Variants in XKR9 observed in about 807,000 individuals in gnomAD.
The protein encoded by XKR9 is XK-related protein 9.
In XKR9, 32 loss-of-function variants were observed where a neutral mutation model predicts 32.0. The observed-to-expected ratio is 1.00, with a 90% CI of 0.76 to 1.34. The LOEUF is 1.34. Among genes scored for constraint, XKR9 ranks in the 40% most tolerant of loss-of-function variants. XKR9 has a pLI of 0.00. For missense variants in XKR9, 546 were observed against 429.7 expected (o/e 1.27, Z -2.39); for synonymous variants, 168 against 143.4 (o/e 1.17, Z -1.22).
At chr8:70,954,580 CATT>C in the XKR9 span, among the ~76,000 whole-genome samples, 1 of 152,208 alleles carries the variant, frequency 6.6e-6, no homozygotes, top group Non-Finnish European at 1.5e-5. Context: ...AAAGTGGTCT[CATT>C]ATCCAAGGAT....
the XKR9 span, among the ~76,000 whole-genome samples, chr8:70,877,772 G>A: frequency 7.7e-3 from 1,169 of 152,266 alleles, 18 homozygotes; most frequent in African/African-American, 0.026. Flanking sequence ...CCCCAACATA[G>A]CAAGGCAGGC....
the XKR9 span, among the ~76,000 whole-genome samples, chr8:70,957,159 G>T: frequency 6.6e-6 from 1 of 152,126 alleles, no homozygotes; most frequent in South Asian, 2.1e-4. Context: ...TCTAGAATCA[G>T]ATTTATTTTT....
the XKR9 span, among the ~76,000 whole-genome samples, chr8:70,902,015 T>C: frequency 6.6e-6 from 1 of 152,238 alleles, no homozygotes; most frequent in South Asian, 2.1e-4. Context: ...TCCATTGGTC[T>C]ATATATCTGT....
the XKR9 span, among the ~76,000 whole-genome samples, chr8:70,860,741 G>A: frequency 6.6e-6 from 1 of 151,454 alleles, no homozygotes; most frequent in African/African-American, 2.4e-5. Flanking sequence ...CAATTTCTGG[G>A]GATAAGATGT....
chr8:70,842,205 T>C, the XKR9 span, among the ~76,000 whole-genome samples: 1 of 152,226 alleles, frequency 6.6e-6, no homozygotes, highest in Non-Finnish European at 1.5e-5. Flanking sequence ...TATGTCATCA[T>C]CATTATTCTG....
At chr8:71,064,436 T>C in the XKR9 span, among the ~76,000 whole-genome samples, 1 of 152,336 alleles carries the variant, frequency 6.6e-6, no homozygotes, top group Non-Finnish European at 1.5e-5. Flanking sequence ...TAGAAATTTA[T>C]ATCATTGTCA....
chr8:71,047,979 A>G, the XKR9 span, among the ~76,000 whole-genome samples: 1 of 152,206 alleles, frequency 6.6e-6, no homozygotes, highest in Non-Finnish European at 1.5e-5. Flanking sequence ...ATTAAATCCA[A>G]GTTTTCAGTA....
chr8:70,926,504 A>G, the XKR9 span, among the ~76,000 whole-genome samples: 1 of 152,194 alleles, frequency 6.6e-6, no homozygotes, highest in African/African-American at 2.4e-5. Context: ...TACTTCTTTT[A>G]TAAAATATTT....
intron 3 of XKR9, among the ~76,000 whole-genome samples, chr8:70,688,715 C>CTTTTTT (rs11450447): frequency 6.9e-6 from 1 of 144,830 alleles, no homozygotes; most frequent in African/African-American, 2.6e-5. Flanking sequence ...TGTGCCTGTC[C>CTTTTTT]TTTTTTTTTT....
At chr8:70,858,821 T>C in the XKR9 span, among the ~76,000 whole-genome samples, 1 of 152,122 alleles carries the variant, frequency 6.6e-6, no homozygotes, top group Admixed American at 6.6e-5. Context: ...GGAATGAAAC[T>C]GGACCCCTAT....
the XKR9 span, among the ~76,000 whole-genome samples, chr8:70,892,914 C>A: frequency 1.3e-5 from 2 of 152,130 alleles, no homozygotes; most frequent in Non-Finnish European, 2.9e-5. Context: ...AATATCATGT[C>A]ATTAAATAGG....
chr8:70,838,699 T>C, the XKR9 span, among the ~76,000 whole-genome samples: 1 of 152,094 alleles, frequency 6.6e-6, no homozygotes, highest in South Asian at 2.1e-4. Flanking sequence ...TGATGTTCTC[T>C]CTCTGATACT....
intron 3 of XKR9, among the ~76,000 whole-genome samples, chr8:70,703,323 C>CA (rs1455340987): frequency 6.6e-6 from 1 of 151,752 alleles, no homozygotes; most frequent in Non-Finnish European, 1.5e-5. Context: ...GGTCTTAAGT[C>CA]TTTTGAGTGT....
At position 70,687,379 on chromosome 8, in the gene XKR9, T is replaced by C. The variant is rs1819333287; in HGVS notation, c.272+6049T>C. ...CTTTCTCTCTTTCCTTTCTTTCTCTTTCTTTCTCTTTCTCTTTCTCTCTCT... is the reference window on the plus strand; with the variant it reads ...CTTTCTCTCTTTCCTTTCTTTCTCTCTCTTTCTCTTTCTCTTTCTCTCTCT... On this transcript the variant is annotated intron_variant, in intron 3 of 4. Transcript: ENST00000408926. 1.6e-5 allele frequency among the ~76,000 whole-genome samples: 2 copies of C among 123,252 alleles called. 1 individual carries two copies. Among genetic ancestry groups the C allele is most frequent in the Admixed American group, 1.6e-4 (2 of 12,328 alleles). The allele number at this position is 123,252 out of a possible 152,430, so 80.9% of individuals were successfully genotyped here.
chr8:70,797,438 A>G, the XKR9 span, among the ~76,000 whole-genome samples: 1 of 152,100 alleles, frequency 6.6e-6, no homozygotes, highest in Non-Finnish European at 1.5e-5. Flanking sequence ...GAATCATCTA[A>G]TTTTTAAATT....
chr8:70,820,975 T>G, the XKR9 span, among the ~76,000 whole-genome samples: 1 of 152,088 alleles, frequency 6.6e-6, no homozygotes, highest in Non-Finnish European at 1.5e-5. Context: ...TTCCCAACAG[T>G]CCCCCAAAGT....
the XKR9 span, among the ~76,000 whole-genome samples, chr8:70,972,185 G>A: frequency 6.6e-6 from 1 of 152,034 alleles, no homozygotes; most frequent in East Asian, 1.9e-4. Context: ...CCTTGGTTAG[G>A]TATATTCCTA....
At chr8:71,054,415 G>A in the XKR9 span, among the ~76,000 whole-genome samples, 2 of 152,176 alleles carry the variant, frequency 1.3e-5, no homozygotes, top group African/African-American at 4.8e-5. Context: ...CCACCATGTA[G>A]CACTGCTGTT....
At chr8:70,811,172 A>C in the XKR9 span, among the ~76,000 whole-genome samples, 1 of 152,166 alleles carries the variant, frequency 6.6e-6, no homozygotes, top group African/African-American at 2.4e-5. Context: ...AAACTGAACA[A>C]CCTGCTCCTG....
Sources: gnomAD v4.1 joint callset for allele counts (sites outside exome capture counted in the v4.1 genomes callset) on GRCh38, gnomAD v4.1.1 for gene constraint, MANE v1.5 for transcripts, NCBI Gene and HGNC (gene_info 2026-07-23, HGNC 2026-07-21) for gene names.